The following DHDDS variants were observed in gnomAD, a reference collection of about 807,000 sequenced individuals.
The protein encoded by DHDDS is dehydrodolichyl diphosphate synthase complex subunit DHDDS.
DHDDS carries 16 observed loss-of-function variants against 46.2 expected under a neutral mutation model. The ratio of observed to expected loss-of-function variants is 0.35; its 90% CI spans 0.23 to 0.53. The LOEUF (loss-of-function observed/expected upper bound fraction) is 0.53. DHDDS is among the 20% of genes least tolerant of loss of function. DHDDS has a pLI of 0.94. For missense variants in DHDDS, 340 were observed against 423.7 expected (o/e 0.80, Z 1.73); for synonymous variants, 151 against 163.1 (o/e 0.93, Z 0.56).
At chr1:26,445,947 C>T (rs1012435752) in intron 4 of DHDDS, among the ~76,000 whole-genome samples, 2 of 149,852 alleles carry the variant, frequency 1.3e-5, no homozygotes, top group African/African-American at 4.9e-5. Context: ...CGCTTAAACC[C>T]GGGATGCGGA....
At chr1:26,464,904 C>T (rs1296429361) in intron 8 of DHDDS, among the ~76,000 whole-genome samples, 1 of 152,176 alleles carries the variant, frequency 6.6e-6, no homozygotes, top group Non-Finnish European at 1.5e-5. Context: ...GCGGGTGGAT[C>T]GTAAGGGAAG....
intron 2 of DHDDS, among the ~76,000 whole-genome samples, chr1:26,437,124 C>T (rs183467496): frequency 9.9e-5 from 15 of 151,912 alleles, no homozygotes; most frequent in Non-Finnish European, 1.9e-4. Flanking sequence ...GAGCCGAGAT[C>T]GTGCCACTGC....
chr1:26,450,437 C>G (rs1442307769), intron 6 of DHDDS, among the ~76,000 whole-genome samples: 3 of 152,200 alleles, frequency 2.0e-5, no homozygotes, highest in Admixed American at 2.0e-4. Flanking sequence ...GTGAGCCACT[C>G]AGCCCTGCCT....
Position 26,468,950 on chromosome 1 carries a change from A to C in DHDDS, c.821A>C (p.Gln274Pro). The C allele has an allele frequency of 6.2e-7, 1 of 1,614,180 alleles. No homozygotes were observed. Among genetic ancestry groups the C allele is most frequent in the Non-Finnish European group, 8.5e-7 (1 of 1,180,040 alleles). Residue 274 changes from glutamine (Q) to proline (P), a missense_variant, in exon 9 of 9, where the codon CAG (glutamine) becomes CCG (proline). By Grantham distance (76) the Gln-to-Pro change is moderately conservative. This residue lies in a region of DHDDS where 268 missense variants were observed against 300.3 expected (regional missense o/e 0.89). Transcript: ENST00000236342. ...AAGAGGCAGCAGCTGGAGAGGGACC[A>C]GGCTACAGTGACAGAGCAGCTGCTG... The part of the protein sequence containing the change: ...ERKRQQLERD[Q>P]ATVTEQLLRE...
intron 5 of DHDDS, among the ~76,000 whole-genome samples, chr1:26,446,680 C>G (rs955463134): frequency 2.0e-5 from 3 of 150,852 alleles, no homozygotes; most frequent in Non-Finnish European, 2.9e-5. Flanking sequence ...CCAGCCCCCA[C>G]CAAATAAGTG....
intron 5 of DHDDS, among the ~76,000 whole-genome samples, chr1:26,446,687 AGTGT>A (rs138481581): frequency 1.5e-4 from 22 of 149,100 alleles, no homozygotes; most frequent in South Asian, 6.4e-4. Flanking sequence ...CCACCAAATA[AGTGT>A]GTGTGTGTGT....
chr1:26,455,036 A>G, intron 6 of DHDDS: 2 of 1,217,692 alleles, frequency 1.6e-6, no homozygotes, highest in South Asian at 1.2e-5. Context: ...CTGTAAAGTG[A>G]CATCTTTCAG....
At chr1:26,443,326 TAAAG>T (rs1265679460) in intron 4 of DHDDS, among the ~76,000 whole-genome samples, 1 of 152,174 alleles carries the variant, frequency 6.6e-6, no homozygotes, top group African/African-American at 2.4e-5. Flanking sequence ...GAAGTGGAGT[TAAAG>T]AAAACATTGA....
At chr1:26,459,247 G>A (rs1258988020) in intron 7 of DHDDS, among the ~76,000 whole-genome samples, 1 of 152,174 alleles carries the variant, frequency 6.6e-6, no homozygotes, top group Admixed American at 6.5e-5. Flanking sequence ...TGGGACCTTA[G>A]TAGAAGTTGT....
intron 3 of DHDDS, among the ~76,000 whole-genome samples, chr1:26,439,878 C>T (rs968110641): frequency 4.6e-5 from 7 of 152,350 alleles, no homozygotes; most frequent in South Asian, 4.1e-4. Context: ...CGGTGGCTTA[C>T]GCCTGTAATC....
rs771905438 is a variant in DHDDS, at chr1:26,446,362, C to A, written c.370C>A (p.Leu124Met). The part of the protein sequence containing the change: ...HGVCIRVLGD[L>M]HLLPLDLQEL... ...GGTGTGTATCCGGGTCCTGGGCGAT[C>A]TGCACTTGTTGCCCTTGGATCTCCA... The change falls in exon 5 of 9, where the codon CTG becomes ATG. Residue 124 changes from leucine (L) to methionine (M), a missense_variant. By Grantham distance (15) the Leu-to-Met change is conservative. Around this residue, in one of 2 missense-constraint regions of DHDDS, gnomAD observed 268 missense variants for 300.3 expected, o/e 0.89. Coordinates refer to ENST00000236342, the MANE Select transcript of DHDDS (RefSeq NM_205861.3). 1 of 1,614,068 alleles carries A rather than the reference C, an allele frequency of 6.2e-7. No homozygotes were observed. Among genetic ancestry groups the A allele is most frequent in the Admixed American group, 1.7e-5 (1 of 60,010 alleles).
chr1:26,464,256 G>A (rs1234362164), intron 8 of DHDDS, among the ~76,000 whole-genome samples: 1 of 152,078 alleles, frequency 6.6e-6, no homozygotes, highest in Non-Finnish European at 1.5e-5. Flanking sequence ...GCCTCCGAAA[G>A]TGCTAGGATT....
intron 4 of DHDDS, among the ~76,000 whole-genome samples, chr1:26,444,268 G>A (rs114628608): frequency 0.013 from 1,915 of 152,334 alleles, 32 homozygotes; most frequent in African/African-American, 0.043. Flanking sequence ...CCCAAGGTCT[G>A]AGGAGGTGTA....
At chr1:26,437,551 A>G (rs963591724) in intron 2 of DHDDS, among the ~76,000 whole-genome samples, 10 of 151,570 alleles carry the variant, frequency 6.6e-5, no homozygotes, top group African/African-American at 2.4e-4. Context: ...ACTGACTGCA[A>G]CCTCCACCTC....
chr1:26,460,733 G>C (rs1430418203), intron 8 of DHDDS, among the ~76,000 whole-genome samples: 1 of 152,118 alleles, frequency 6.6e-6, no homozygotes, highest in South Asian at 2.1e-4. Context: ...GAGGATCTAC[G>C]AGGGCACTTA....
chr1:26,465,069 T>C (rs2075468627), intron 8 of DHDDS, among the ~76,000 whole-genome samples: 1 of 152,046 alleles, frequency 6.6e-6, no homozygotes. Flanking sequence ...CAGGGACAAA[T>C]AGAGAATCAG....
chr1:26,468,811 G>GCCCCCCCCCCCAACCCC, intron 8 of DHDDS, 84 bp from the exon 9 acceptor site: 2 of 637,986 alleles, frequency 3.1e-6, no homozygotes, highest in Non-Finnish European at 5.2e-6. Flanking sequence ...CCCACCCTGT[G>GCCCCCCCCCCCAACCCC]CCCCACCCCC....
At chr1:26,452,744 A>AT (rs1310696215) in intron 6 of DHDDS, among the ~76,000 whole-genome samples, 1 of 152,182 alleles carries the variant, frequency 6.6e-6, no homozygotes, top group African/African-American at 2.4e-5. Context: ...CTGTGTTCTC[A>AT]TTCACTGTGG....
At chr1:26,465,666 A>G (rs763005445) in intron 8 of DHDDS, among the ~76,000 whole-genome samples, 1 of 152,164 alleles carries the variant, frequency 6.6e-6, no homozygotes, top group Non-Finnish European at 1.5e-5. Context: ...GCTGGAACAG[A>G]GTTCATTTTC....
Sources: gnomAD v4.1 joint callset for allele counts (sites outside exome capture counted in the v4.1 genomes callset) on GRCh38, gnomAD v4.1.1 for gene constraint, gnomAD v4.1.1 regional missense constraint, MANE v1.5 for transcripts, NCBI Gene and HGNC (gene_info 2026-07-23, HGNC 2026-07-21) for gene names.